The following TRPM3 variants were observed in gnomAD, a reference collection of about 807,000 sequenced individuals.
TRPM3 encodes the protein long transient receptor potential channel 3.
In TRPM3, 77 loss-of-function variants were observed where a neutral mutation model predicts 181.2. That is an observed-to-expected ratio of 0.42 (90% CI 0.35 to 0.51). The LOEUF is 0.51. TRPM3 is among the 20% of genes least tolerant of loss of function. The pLI is 0.01. For missense variants in TRPM3, 1,759 were observed against 2,196.7 expected, an observed-to-expected ratio of 0.80 and a Z score of 3.98; for synonymous variants, 745 against 796.4, an observed-to-expected ratio of 0.94 and a Z score of 1.09.
At chr9:71,257,342 A>T (rs2056557975) in intron 1 of TRPM3, among the ~76,000 whole-genome samples, 1 of 152,162 alleles carries the variant, frequency 6.6e-6, no homozygotes, top group South Asian at 2.1e-4. Context: ...GAGAGAGTAG[A>T]AGACGGATCC....
At chr9:71,442,032 G>C (rs188820921) in intron 1 of TRPM3, among the ~76,000 whole-genome samples, 2 of 152,320 alleles carry the variant, frequency 1.3e-5, no homozygotes, top group East Asian at 3.9e-4. Context: ...AGAAACGAAT[G>C]GTAGGTTTGT....
At chr9:71,221,567 G>A (rs181263031) in intron 1 of TRPM3, among the ~76,000 whole-genome samples, 244 of 152,042 alleles carry the variant, frequency 1.6e-3, no homozygotes, top group Middle Eastern at 6.8e-3. Context: ...CACTTATCAC[G>A]TATGTCTTTT....
intron 25 of TRPM3, among the ~76,000 whole-genome samples, chr9:70,541,546 T>C (rs990037395): frequency 1.3e-5 from 2 of 151,334 alleles, no homozygotes; most frequent in Admixed American, 6.6e-5. Flanking sequence ...AGTTTCACTC[T>C]TGTTGCCCAG....
intron 8 of TRPM3, among the ~76,000 whole-genome samples, chr9:70,753,778 T>G (rs1400819246): frequency 1.3e-5 from 2 of 151,926 alleles, no homozygotes; most frequent in African/African-American, 2.4e-5. Context: ...TTTAAAGTCT[T>G]AGATTTTGGA....
At chr9:71,320,693 T>C (rs531655757) in intron 1 of TRPM3, among the ~76,000 whole-genome samples, 1 of 152,254 alleles carries the variant, frequency 6.6e-6, no homozygotes, top group African/African-American at 2.4e-5. Context: ...ATGCCTTTAA[T>C]TGCCACTTAT....
chr9:71,091,691 G>A (rs1253814640), intron 1 of TRPM3, among the ~76,000 whole-genome samples: 1 of 152,088 alleles, frequency 6.6e-6, no homozygotes, highest in Non-Finnish European at 1.5e-5. Flanking sequence ...AACTGGTTGA[G>A]ATTGAATTTA....
intron 1 of TRPM3, among the ~76,000 whole-genome samples, chr9:71,344,300 A>T (rs1323955482): frequency 2.0e-5 from 3 of 152,032 alleles, no homozygotes; most frequent in Non-Finnish European, 4.4e-5. Context: ...AAAATACAAA[A>T]ATTAGCTAGG....
At chr9:71,006,244 C>T (rs2097672088) in intron 1 of TRPM3, among the ~76,000 whole-genome samples, 1 of 151,936 alleles carries the variant, frequency 6.6e-6, no homozygotes, top group Non-Finnish European at 1.5e-5. Flanking sequence ...AATCACTTAA[C>T]TACATCAGAA....
rs1565298166 is a variant in TRPM3 at position 71,168,593 on chromosome 9, A to ATT, written c.183+278058_183+278059dup. Among the ~76,000 whole-genome samples, 72 of 27,646 alleles carry ATT rather than the reference A, an allele frequency of 2.6e-3. 1 individual carries two copies. Among genetic ancestry groups the ATT allele is most frequent in the African/African-American group, 0.01 (55 of 5,426 alleles). 18.1% of individuals were successfully genotyped at this position (27,646 alleles called of 152,430 possible). On this transcript the variant is annotated intron_variant, in intron 1 of 24. Transcript: ENST00000357533. The stretch of plus-strand genomic sequence containing the variant: ...ATTTATTTTTGTTTTTTATTTTTTT[A>ATT]TTTTTATTTTTATTTATTTTTTTAT...
At chr9:71,302,762 G>C (rs1481794482) in intron 1 of TRPM3, among the ~76,000 whole-genome samples, 1 of 144,312 alleles carries the variant, frequency 6.9e-6, no homozygotes, top group African/African-American at 2.6e-5. Context: ...GTCAATTGCA[G>C]AATATGGAAT....
intron 22 of TRPM3, among the ~76,000 whole-genome samples, chr9:70,555,905 T>C (rs1286752715): frequency 6.6e-6 from 1 of 152,230 alleles, no homozygotes; most frequent in Admixed American, 6.5e-5. Flanking sequence ...AGAACTTACA[T>C]GATTTTTACA....
chr9:71,098,808 C>A (rs1453216811), intron 1 of TRPM3, among the ~76,000 whole-genome samples: 1 of 152,192 alleles, frequency 6.6e-6, no homozygotes, highest in East Asian at 1.9e-4. Context: ...TTTCTTGGAG[C>A]CCCCTGGAAA....
intron 22 of TRPM3, among the ~76,000 whole-genome samples, chr9:70,557,701 G>T (rs908837570): frequency 6.6e-6 from 1 of 152,180 alleles, no homozygotes; most frequent in Non-Finnish European, 1.5e-5. Flanking sequence ...TTTAGGAAAC[G>T]TAGGCTGGTG....
chr9:70,649,556 C>G (rs2059349361), intron 9 of TRPM3, among the ~76,000 whole-genome samples: 1 of 152,026 alleles, frequency 6.6e-6, no homozygotes, highest in African/African-American at 2.4e-5. Context: ...CTCAGTATCA[C>G]TATCGTTAGA....
chr9:70,800,804 T>C lies in TRPM3; in HGVS notation c.974-16525A>G, dbSNP rs977803484. ...CTTCTGATCAACAGTAGGCTATCAA[T>C]AGTATTTTTTTTTGAGAAGTCGAAA... On this transcript the variant is annotated intron_variant, in intron 6 of 25. Coordinates refer to ENST00000677713, the MANE Select transcript of TRPM3 (RefSeq NM_001366145.2). Among the ~76,000 whole-genome samples, 58 of 145,444 alleles carry C rather than the reference T, an allele frequency of 4.0e-4. 1 individual carries two copies. The highest frequency in any genetic ancestry group is 8.0e-4 in the Non-Finnish European group (53 of 65,974).
chr9:71,139,077 A>G (rs894808276), intron 1 of TRPM3, among the ~76,000 whole-genome samples: 1 of 152,058 alleles, frequency 6.6e-6, no homozygotes, highest in Non-Finnish European at 1.5e-5. Context: ...CATTTTGTTA[A>G]TTTTGTTTAC....
chr9:70,559,777 G>A (rs2048609836), intron 22 of TRPM3, among the ~76,000 whole-genome samples: 1 of 152,124 alleles, frequency 6.6e-6, no homozygotes, highest in Admixed American at 6.6e-5. Flanking sequence ...AAGCCCACAT[G>A]GCCTGGCCAG....
At chr9:70,560,090 C>A (rs2048696626) in intron 22 of TRPM3, among the ~76,000 whole-genome samples, 1 of 152,162 alleles carries the variant, frequency 6.6e-6, no homozygotes, top group Non-Finnish European at 1.5e-5. Flanking sequence ...GTGGCAATCT[C>A]CATGCTGGGC....
At chr9:71,146,939 C>A (rs1211490149) in intron 1 of TRPM3, among the ~76,000 whole-genome samples, 1 of 152,162 alleles carries the variant, frequency 6.6e-6, no homozygotes, top group Non-Finnish European at 1.5e-5. Context: ...CATTTGCTAC[C>A]TAAAGAACTA....
Sources: gnomAD v4.1 joint callset for allele counts (sites outside exome capture counted in the v4.1 genomes callset) on GRCh38, gnomAD v4.1.1 for gene constraint, MANE v1.5 for transcripts, NCBI Gene and HGNC (gene_info 2026-07-23, HGNC 2026-07-21) for gene names.